The following RNF8 variants were observed in gnomAD, a reference collection of about 807,000 sequenced individuals.
RNF8 encodes E3 ubiquitin-protein ligase RNF8.
In RNF8, 8 loss-of-function variants were observed where a neutral mutation model predicts 59.3. That is an observed-to-expected ratio of 0.13 (90% CI 0.08 to 0.24). The LOEUF (loss-of-function observed/expected upper bound fraction) is 0.24. Among genes scored for constraint, RNF8 ranks in the 10% least tolerant of loss-of-function variants. The probability of loss-of-function intolerance (pLI) is 1.00; values close to 1 mark genes in which losing one functional copy is unlikely to be tolerated. For synonymous variants in RNF8, 162 were observed against 200.0 expected, an observed-to-expected ratio of 0.81 and a Z score of 1.60; for missense variants, 406 against 572.6, an observed-to-expected ratio of 0.71 and a Z score of 2.97.
At position 37,391,283 on chromosome 6, in the gene RNF8, CCAGA is replaced by C. The variant is rs1238870873; in HGVS notation, c.*529_*532del. 3 of 162,270 alleles carry C rather than the reference CCAGA, an allele frequency of 1.8e-5. No homozygotes were observed. The highest frequency in any genetic ancestry group is 4.0e-5 in the Non-Finnish European group (3 of 74,302). The allele number at this position is 162,270 out of a possible 1,614,324, so 10.1% of individuals were successfully genotyped here. ...ATTTACCTTCCTTCCCTTCCTGCTCCCAGACAGTCTCACAAGTAAACACCAGCAG... is the reference window on the plus strand; with the variant it reads ...ATTTACCTTCCTTCCCTTCCTGCTCCCAGTCTCACAAGTAAACACCAGCAG... On this transcript the variant is annotated 3_prime_UTR_variant, in exon 8 of 8. Transcript: ENST00000373479.
chr6:37,376,709 T>A (rs747846939), intron 5 of RNF8, among the ~76,000 whole-genome samples: 1 of 152,144 alleles, frequency 6.6e-6, no homozygotes, highest in Non-Finnish European at 1.5e-5. Flanking sequence ...CCATAGCAAG[T>A]AGGGAGAGGA....
chr6:37,371,923 G>T (rs1769824264), intron 4 of RNF8, among the ~76,000 whole-genome samples: 1 of 152,180 alleles, frequency 6.6e-6, no homozygotes, highest in Non-Finnish European at 1.5e-5. Flanking sequence ...ACCAGGGCCC[G>T]TGAAGGCCTC....
In RNF8 at chr6:37,394,009, T is replaced by C. The variant is rs1770795390; in HGVS notation, c.*3251T>C. The C allele has an allele frequency of 6.6e-6, 1 of 152,148 alleles. No individual in the cohort carries two copies. The highest frequency in any genetic ancestry group is 2.4e-5 in the African/African-American group (1 of 41,422). 9.4% of individuals were successfully genotyped at this position (152,148 alleles called of 1,614,324 possible). On this transcript the variant is annotated 3_prime_UTR_variant, in exon 8 of 8. Coordinates refer to ENST00000373479, the MANE Select transcript of RNF8 (RefSeq NM_003958.4). ...CGTATCTAAGGATAACCCAGAAACATGGGGTGTCCTAGGTATGTTTATCTC... is the reference window on the plus strand; with the variant it reads ...CGTATCTAAGGATAACCCAGAAACACGGGGTGTCCTAGGTATGTTTATCTC...
In RNF8 at chr6:37,360,697, G is replaced by A; in HGVS notation, c.240+123G>A. 1 of 994,196 alleles carries A rather than the reference G, an allele frequency of 1.0e-6. No individual in the cohort carries two copies. The highest frequency in any genetic ancestry group is 1.4e-6 in the Non-Finnish European group (1 of 705,946). The allele number at this position is 994,196 out of a possible 1,614,324, so 61.6% of individuals were successfully genotyped here. A position where few individuals can be genotyped will look rare whatever the true frequency, so the allele number is the denominator to read the frequency against. ...TAACTTCTTCTTTCCTAGCCATCCAGTTCCCTTTTCCAGAGGCAGCCACTT... is the reference window on the plus strand; with the variant it reads ...TAACTTCTTCTTTCCTAGCCATCCAATTCCCTTTTCCAGAGGCAGCCACTT... On this transcript the variant is annotated intron_variant, in intron 2 of 7. Coordinates refer to ENST00000373479, the MANE Select transcript of RNF8 (RefSeq NM_003958.4). This position sits in a 1 kb window ranked among gnomAD's most constrained non-coding sequence, Gnocchi z 4.2.
At chr6:37,388,683 C>T (rs1770605539) in intron 7 of RNF8, among the ~76,000 whole-genome samples, 1 of 151,988 alleles carries the variant, frequency 6.6e-6, no homozygotes, top group African/African-American at 2.4e-5. Flanking sequence ...ACATGCCTGT[C>T]CTCACAGCTA....
chr6:37,381,471 A>T, intron 7 of RNF8, 117 bp downstream of exon 7: 1 of 835,406 alleles, frequency 1.2e-6, no homozygotes, highest in South Asian at 1.7e-5. Flanking sequence ...TAGGGAAGAG[A>T]TGGAATAAAT....
At chr6:37,368,416 A>G (rs766263918) in intron 2 of RNF8, 68 bp from the exon 3 acceptor site, 1 of 1,613,134 alleles carries the variant, frequency 6.2e-7, no homozygotes, top group Non-Finnish European at 8.5e-7. Flanking sequence ...TTACAGCAGC[A>G]GGAGAGAGAT....
rs1770778943 is a variant in RNF8 at position 37,393,410 on chromosome 6, G to A, written c.*2652G>A. On this transcript the variant is annotated 3_prime_UTR_variant, in exon 8 of 8. Transcript: ENST00000373479. ...ATGTTCTTTCCTTGGAGAGATATCT[G>A]ATATTAAACATCATCTGCATTTTAC... 6.6e-6 allele frequency: 1 copy of A among 152,172 alleles called. No homozygotes were observed. Among genetic ancestry groups the A allele is most frequent in the South Asian group, 2.1e-4 (1 of 4,830 alleles). 9.4% of individuals were successfully genotyped at this position (152,172 alleles called of 1,614,324 possible).
chr6:37,374,805 A>G (rs1769941279), intron 5 of RNF8, 96 bp downstream of exon 5: 1 of 831,386 alleles, frequency 1.2e-6, no homozygotes, highest in Middle Eastern at 2.4e-4. Flanking sequence ...AAAGAGAGAA[A>G]TTATGGCTGC....
At position 37,374,316 on chromosome 6, in the gene RNF8, A is replaced by G. The variant is rs896155945; in HGVS notation, c.1039-304A>G. On this transcript the variant is annotated intron_variant, in intron 4 of 7. Transcript: ENST00000373479. ...CATTTCTGGGCTCCAAGCCAAACCT[A>G]TAGAAGCAGACTCTGGGACACAGTG... Among the ~76,000 whole-genome samples, 5 of 152,316 alleles carry G rather than the reference A, an allele frequency of 3.3e-5. No individual in the cohort carries two copies. In the South Asian group the frequency reaches 6.2e-4, roughly 19 times the overall value.
chr6:37,376,870 C>G (rs942788235), intron 5 of RNF8, 56 bp from the exon 6 acceptor site: 4 of 1,115,890 alleles, frequency 3.6e-6, no homozygotes, highest in Non-Finnish European at 5.5e-6. Flanking sequence ...GCTCCCTGTC[C>G]CATTTTGCAT....
chr6:37,390,031 T>C (rs2113836992), intron 7 of RNF8, among the ~76,000 whole-genome samples: 1 of 152,372 alleles, frequency 6.6e-6, no homozygotes, highest in East Asian at 1.9e-4. Flanking sequence ...GGAAGCGGAC[T>C]ATTGGAAAAG....
At chr6:37,388,935 T>TAA (rs10667248) in intron 7 of RNF8, among the ~76,000 whole-genome samples, 18 of 139,916 alleles carry the variant, frequency 1.3e-4, no homozygotes, top group East Asian at 2.0e-4. Flanking sequence ...CCTATCTCTT[T>TAA]AAAAAAAAAA....
intron 2 of RNF8, 175 bp from the exon 3 acceptor site, chr6:37,368,309 G>A: frequency 2.7e-6 from 4 of 1,508,180 alleles, no homozygotes; most frequent in South Asian, 1.2e-5. Context: ...AAAAGCCAAA[G>A]CACTGCTTGA....
rs560607439 is a variant in RNF8, at chr6:37,371,586, A to G, written c.1038+12A>G. On this transcript the variant is annotated intron_variant, in intron 4 of 7. Coordinates refer to ENST00000373479, the MANE Select transcript of RNF8 (RefSeq NM_003958.4). ...AGGCTCTGCAGGAGGTAACTTTGCC[A>G]TAGTACTAAGATTATAGTGGGCTGT... is the stretch of plus-strand genomic sequence containing the variant. The G allele has an allele frequency of 2.9e-5, 46 of 1,611,184 alleles. No homozygotes were observed. In the African/African-American group the frequency reaches 4.8e-4, roughly 17 times the overall value.
At chr6:37,369,962 A>C (rs1769735344) in intron 3 of RNF8, 2 of 152,208 alleles carry the variant, frequency 1.3e-5, no homozygotes, top group South Asian at 4.1e-4. Flanking sequence ...AAGCTCTTGC[A>C]CAAAGCTTTA....
Position 37,354,154 on chromosome 6 carries a change from T to C in RNF8, c.-11T>C. 6.4e-7 allele frequency: 1 copy of C among 1,565,506 alleles called. No homozygotes were observed. The highest frequency in any genetic ancestry group is 1.2e-5 in the South Asian group (1 of 84,986). On this transcript the variant is annotated 5_prime_UTR_variant, in exon 1 of 8. Transcript: ENST00000373479. ...CGCTCGGTGCTGACCGCCCCCGGGG[T>C]CGAGTAGGCGATGGGGGAGCCCGGC...
chr6:37,384,905 G>C (rs1448544009), intron 7 of RNF8, among the ~76,000 whole-genome samples: 1 of 152,172 alleles, frequency 6.6e-6, no homozygotes, highest in Non-Finnish European at 1.5e-5. Flanking sequence ...ATTTCTGCCT[G>C]CCTTGTATAA....
chr6:37,379,709 C>T (rs1479195963), intron 6 of RNF8, among the ~76,000 whole-genome samples: 1 of 152,024 alleles, frequency 6.6e-6, no homozygotes, highest in African/African-American at 2.4e-5. Context: ...TTTTTTTGCC[C>T]AGCATTTTTA....
Sources: gnomAD v4.1 joint callset for allele counts (sites outside exome capture counted in the v4.1 genomes callset) on GRCh38, gnomAD v4.1.1 for gene constraint, Gnocchi (gnomAD v3.1) non-coding constraint, MANE v1.5 for transcripts, NCBI Gene and HGNC (gene_info 2026-07-23, HGNC 2026-07-21) for gene names.